Variants in ANK2 observed in about 807,000 individuals in gnomAD.
ANK2 encodes the protein ankyrin 2, also known as ankyrin-2.
Under a neutral mutation model 360.5 loss-of-function variants are expected in ANK2, and 83 were observed. The observed-to-expected ratio is 0.23, with a 90% CI of 0.19 to 0.28. The LOEUF (loss-of-function observed/expected upper bound fraction) is 0.28, where lower values mean the gene tolerates loss of function less well. Ranked by LOEUF, ANK2 falls within the 10% of genes least tolerant of loss-of-function variation. The pLI is 1.00. For synonymous variants in ANK2, 1,740 were observed against 1,759.5 expected, an observed-to-expected ratio of 0.99 and a Z score of 0.28; for missense variants, 4,201 against 4,795.7, an observed-to-expected ratio of 0.88 and a Z score of 3.66.
chr4:113,269,896 G>C (rs2057861425), intron 14 of ANK2, among the ~76,000 whole-genome samples: 1 of 152,106 alleles, frequency 6.6e-6, no homozygotes, highest in African/African-American at 2.4e-5. Context: ...AGTGATACAC[G>C]GGTAGCCTTA....
At position 113,277,921 on chromosome 4, in the gene ANK2, G is replaced by C. The variant is rs1261368477; in HGVS notation, c.1768G>C (p.Asp590His). 1 of 1,613,704 alleles carries C rather than the reference G, an allele frequency of 6.2e-7. No homozygotes were observed. The highest frequency in any genetic ancestry group is 1.1e-5 in the South Asian group (1 of 91,070). The part of the protein sequence containing the change: ...KLLLQRRAAA[D>H]SAGKNGLTPL... ...TCTCTTGCAACGCCGTGCTGCCGCA[G>C]ATTCTGCAGGGAAGGTAAAGATTTT... The change falls in exon 16 of 46, where the codon GAT becomes CAT. Residue 590 changes from aspartate to histidine, a missense_variant. By Grantham distance (81) the Asp-to-His change is moderately conservative (BLOSUM62 -1). This residue lies in a region of ANK2 where 1,268 missense variants were observed against 1,650.8 expected (regional missense o/e 0.77). Transcript: ENST00000357077.
At chr4:112,717,578 A>G in the ANK2 span, among the ~76,000 whole-genome samples, 1 of 152,156 alleles carries the variant, frequency 6.6e-6, no homozygotes, top group Non-Finnish European at 1.5e-5. Context: ...TATTTAATAC[A>G]AATTATAAGG....
intron 2 of ANK2, among the ~76,000 whole-genome samples, chr4:113,008,101 A>G (rs1247317631): frequency 8.1e-6 from 1 of 124,206 alleles, no homozygotes; most frequent in Non-Finnish European, 1.7e-5. Flanking sequence ...TAACTTATTA[A>G]GCTTTTCCTT....
rs1322345767 is a variant in ANK2 at position 112,980,053 on chromosome 4, T to A, written c.21+75539T>A. 2.0e-5 allele frequency: 3 copies of A among 152,270 alleles called. No individual in the cohort carries two copies. The East Asian group carries it at 5.8e-4, about 29-fold the overall frequency. The allele number at this position is 152,270 out of a possible 1,614,324, so 9.4% of individuals were successfully genotyped here. On this transcript the variant is annotated intron_variant, in intron 2 of 30. Transcript: ENST00000503271. ...ACATGTAGTCCACGCGCCCAGGCTG[T>A]TTGTGCTGAGGGTTACCTTTAGGCC...
At chr4:112,940,877 T>G (rs1016393701) in intron 2 of ANK2, among the ~76,000 whole-genome samples, 5 of 151,968 alleles carry the variant, frequency 3.3e-5, no homozygotes, top group African/African-American at 4.8e-5. Flanking sequence ...TGTCAAAGAG[T>G]ATGATTTATT....
chr4:113,062,413 T>C (rs1213242403), intron 1 of ANK2, among the ~76,000 whole-genome samples: 1 of 152,112 alleles, frequency 6.6e-6, no homozygotes, highest in Non-Finnish European at 1.5e-5. Context: ...TATTTCAAGG[T>C]GACCAATGAA....
chr4:112,823,693 A>AT (rs2057734125), intron 1 of ANK2, among the ~76,000 whole-genome samples: 1 of 152,258 alleles, frequency 6.6e-6, no homozygotes, highest in African/African-American at 2.4e-5. Context: ...ACAAGCAAAT[A>AT]TCTCTTGTTG....
chr4:113,043,079 A>G (rs1369101881), intron 2 of ANK2, among the ~76,000 whole-genome samples: 1 of 152,140 alleles, frequency 6.6e-6, no homozygotes, highest in Non-Finnish European at 1.5e-5. Context: ...CCCCCCAAAT[A>G]TCTGTTGGAT....
intron 13 of ANK2, among the ~76,000 whole-genome samples, chr4:113,263,296 A>T (rs2054110987): frequency 6.6e-6 from 1 of 152,104 alleles, no homozygotes. Context: ...CAGGGAGGAA[A>T]AATCTTGTGA....
At chr4:113,115,651 T>G (rs1486974974) in intron 1 of ANK2, among the ~76,000 whole-genome samples, 2 of 152,326 alleles carry the variant, frequency 1.3e-5, no homozygotes, top group Middle Eastern at 3.4e-3. Context: ...AACTATAACA[T>G]GTACCATCCA....
the ANK2 span, among the ~76,000 whole-genome samples, chr4:112,812,038 G>A: frequency 2.3e-5 from 3 of 128,224 alleles, no homozygotes; most frequent in Non-Finnish European, 4.6e-5. Flanking sequence ...TCCCGCCACT[G>A]CACCCCAGCC....
intron 1 of ANK2, among the ~76,000 whole-genome samples, chr4:113,170,432 T>C (rs1020849537): frequency 5.3e-5 from 8 of 152,200 alleles, no homozygotes; most frequent in East Asian, 1.9e-4. Context: ...TATGCATCTG[T>C]ATATCATTTG....
chr4:113,096,592 T>TA (rs1372380057), intron 1 of ANK2, among the ~76,000 whole-genome samples: 1 of 152,174 alleles, frequency 6.6e-6, no homozygotes, highest in Non-Finnish European at 1.5e-5. Flanking sequence ...TAACTCTTTT[T>TA]AAAAAAATTC....
intron 1 of ANK2, among the ~76,000 whole-genome samples, chr4:112,839,532 A>G (rs2061664956): frequency 6.6e-6 from 1 of 152,240 alleles, no homozygotes; most frequent in African/African-American, 2.4e-5. Context: ...GACAAATTCG[A>G]ATGGTTTTCC....
chr4:113,154,650 A>G (rs2097213437), intron 1 of ANK2, among the ~76,000 whole-genome samples: 1 of 152,236 alleles, frequency 6.6e-6, no homozygotes, highest in African/African-American at 2.4e-5. Context: ...AGAATTAATT[A>G]TTCAGTAAGT....
rs765925462 is a variant in ANK2 at position 113,363,310 on chromosome 4, GT to G, written c.10757-25del. The G allele has an allele frequency of 2.5e-6, 4 of 1,609,578 alleles. No homozygotes were observed. The East Asian group carries it at 8.9e-5, about 36-fold the overall frequency. On this transcript the variant is annotated intron_variant, in intron 39 of 45. Coordinates refer to ENST00000357077, the MANE Select transcript of ANK2 (RefSeq NM_001148.6). ...GAGACTGAAACCTTGAAGTTAATGT[GT>G]TTACAAAGTAGTATTTTATCTTCTA...
At chr4:113,086,083 T>C (rs902390421) in intron 1 of ANK2, among the ~76,000 whole-genome samples, 2 of 152,198 alleles carry the variant, frequency 1.3e-5, no homozygotes, top group African/African-American at 2.4e-5. Flanking sequence ...TCCAATGTTA[T>C]ATATTAACTG....
chr4:112,706,477 C>T, the ANK2 span, among the ~76,000 whole-genome samples: 3 of 152,076 alleles, frequency 2.0e-5, no homozygotes, highest in African/African-American at 7.2e-5. Flanking sequence ...AACTTCTGAA[C>T]GCACGCACAC....
chr4:113,265,992 T>C (rs1252001314), intron 14 of ANK2, among the ~76,000 whole-genome samples: 4 of 152,212 alleles, frequency 2.6e-5, no homozygotes, highest in Non-Finnish European at 5.9e-5. Flanking sequence ...AGTTCTGGGA[T>C]ATATGTGCAG....
Sources: gnomAD v4.1 joint callset for allele counts (sites outside exome capture counted in the v4.1 genomes callset) on GRCh38, gnomAD v4.1.1 for gene constraint, gnomAD v4.1.1 regional missense constraint, MANE v1.5 for transcripts, NCBI Gene and HGNC (gene_info 2026-07-23, HGNC 2026-07-21) for gene names.